DDX47: variants seen among roughly 807,000 people sequenced by gnomAD.
The protein encoded by DDX47 is DEAD-box helicase 47.
DDX47 carries 60 observed loss-of-function variants against 58.8 expected under a neutral mutation model. The observed-to-expected ratio is 1.02, with a 90% CI of 0.83 to 1.26. DDX47 has a LOEUF of 1.26. Ranked by LOEUF, DDX47 falls within the 50% of genes most tolerant of loss-of-function variation. The probability of loss-of-function intolerance (pLI) is 0.00; values close to 1 mark genes in which losing one functional copy is unlikely to be tolerated. For missense variants in DDX47, 530 were observed against 573.2 expected (o/e 0.92, Z 0.77); for synonymous variants, 197 against 204.6 (o/e 0.96, Z 0.32).
At position 12,827,832 on chromosome 12, in the gene DDX47, A is replaced by G. The variant is rs115878303; in HGVS notation, c.1236+457A>G. On this transcript the variant is annotated intron_variant, in intron 11 of 11. Transcript: ENST00000358007. ...AGTAGGGGTTGATCATACCTAATCC[A>G]AAAATTTGAAATCCAAAACCAAGAT... Among the ~76,000 whole-genome samples the G allele has an allele frequency of 6.6e-3, 1,005 of 152,040 alleles. 9 individuals carry two copies. The highest frequency in any genetic ancestry group is 0.023 in the African/African-American group (946 of 41,434).
At chr12:12,813,652 C>G in intron 1 of DDX47, 198 bp downstream of exon 1, 2 of 603,048 alleles carry the variant, frequency 3.3e-6, no homozygotes, top group South Asian at 2.0e-5. Flanking sequence ...CCCTGAGACC[C>G]CCTATTTGCC....
intron 2 of DDX47, among the ~76,000 whole-genome samples, chr12:12,819,212 C>A (rs1862936938): frequency 6.6e-6 from 1 of 152,070 alleles, no homozygotes; most frequent in Non-Finnish European, 1.5e-5. Context: ...GGTTCTTTTC[C>A]CTTTGCCTTA....
Position 12,823,898 on chromosome 12 carries a change from A to C in DDX47, c.779A>C (p.Glu260Ala), listed in dbSNP as rs745599661. 2 of 1,614,088 alleles carry C rather than the reference A, an allele frequency of 1.2e-6. No individual in the cohort carries two copies. The highest frequency in any genetic ancestry group is 3.3e-5 in the Admixed American group (2 of 60,008). The part of the protein sequence containing the change: ...KDTYLVYILN[E>A]LAGNSFMIFC... ...ACCTACCTGGTTTATATTCTAAATG[A>C]ATTGGCTGGAAACTCCTTTATGATA... Residue 260 changes from glutamate (E) to alanine (A), a missense_variant, in exon 8 of 12, where the codon GAA becomes GCA. By Grantham distance (107) the Glu-to-Ala change is moderately radical. Coordinates refer to ENST00000358007, the MANE Select transcript of DDX47 (RefSeq NM_016355.4).
In DDX47 at chr12:12,829,479, T is replaced by C. The variant is rs370405455; in HGVS notation, c.1293T>C (p.Asn431=). Reference sequence around the variant, plus strand: ...GCTCGCGAGAGGATGCTGGAGATAATGATGACACAGAGGGTGCTATTGGTG... The same window carrying C: ...GCTCGCGAGAGGATGCTGGAGATAACGATGACACAGAGGGTGCTATTGGTG... ...KKRSREDAGD[N]DDTEGAIGVR... is the part of the protein sequence containing the mutation. Residue 431 remains asparagine, a synonymous_variant, in exon 12 of 12, where the codon AAT becomes AAC. Coordinates refer to ENST00000358007, the MANE Select transcript of DDX47 (RefSeq NM_016355.4). The C allele has an allele frequency of 6.2e-7, 1 of 1,613,830 alleles. No homozygotes were observed. The highest frequency in any genetic ancestry group is 8.5e-7 in the Non-Finnish European group (1 of 1,179,932).
Position 12,827,178 on chromosome 12 carries a change from A to T in DDX47, c.1107-68A>T, listed in dbSNP as rs577878620. 4 of 1,562,352 alleles carry T rather than the reference A, an allele frequency of 2.6e-6. No homozygotes were observed. The African/African-American group carries it at 5.5e-5, about 21-fold the overall frequency. ...TTCCTATTGCGTTGTATCATATAAT[A>T]ATAGTTTGGGAATGGACAGGCATTT... On this transcript the variant is annotated intron_variant, in intron 10 of 11. Transcript: ENST00000358007.
In DDX47 at chr12:12,824,609, G is replaced by T. The variant is rs1863023409; in HGVS notation, c.967G>T (p.Ala323Ser). The T allele has an allele frequency of 5.0e-6, 8 of 1,614,164 alleles. No homozygotes were observed. The highest frequency in any genetic ancestry group is 6.8e-6 in the Non-Finnish European group (8 of 1,180,002). Reference protein sequence around the residue: ...ARSILLATDVASRGLDIPHVD... With the variant: ...ARSILLATDVSSRGLDIPHVD... ...TTCCATTCTTCTAGCAACTGACGTTGCCAGCCGAGGTTTGGACATACCTCA... is the reference window on the plus strand; with the variant it reads ...TTCCATTCTTCTAGCAACTGACGTTTCCAGCCGAGGTTTGGACATACCTCA... Residue 323 changes from alanine to serine, a missense_variant, in exon 9 of 12, where the codon GCC becomes TCC. Physicochemically the swap from Ala to Ser is moderately conservative, Grantham distance 99. Transcript: ENST00000358007.
intron 2 of DDX47, among the ~76,000 whole-genome samples, chr12:12,816,203 C>T (rs1452594252): frequency 6.6e-6 from 1 of 151,972 alleles, no homozygotes; most frequent in African/African-American, 2.4e-5. Flanking sequence ...TAGAGTTGAC[C>T]TTGTGGGAGG....
intron 2 of DDX47, 95 bp from the exon 3 acceptor site, chr12:12,821,113 T>C: frequency 8.0e-7 from 1 of 1,252,910 alleles, no homozygotes; most frequent in South Asian, 1.3e-5. Context: ...AGATATTTAT[T>C]AAGCGTCTAC....
intron 9 of DDX47, 111 bp from the exon 10 acceptor site, chr12:12,825,889 A>T: frequency 3.9e-6 from 3 of 778,744 alleles, no homozygotes; most frequent in South Asian, 2.1e-5. Context: ...TCTCCATGTT[A>T]CGAAATGAAT....
rs915526866 is a variant in DDX47, at chr12:12,819,364, T to A, written c.182-1844T>A. On this transcript the variant is annotated intron_variant, in intron 2 of 11. Coordinates refer to ENST00000358007, the MANE Select transcript of DDX47 (RefSeq NM_016355.4). ...ATCTATGGAGCTTTTTTTTTTTTTTTAAATAGAGATTTCTAGGTCCCAGCC... is the reference window on the plus strand; with the variant it reads ...ATCTATGGAGCTTTTTTTTTTTTTTAAAATAGAGATTTCTAGGTCCCAGCC... Among the ~76,000 whole-genome samples, 14 of 151,214 alleles carry A rather than the reference T, an allele frequency of 9.3e-5. No individual in the cohort carries two copies. In the South Asian group the frequency reaches 1.9e-3, roughly 20 times the overall value.
Position 12,827,274 on chromosome 12 carries a change from G to GAACA in DDX47, c.1136_1139dup (p.His380GlnfsTer16). 1 of 1,614,162 alleles carries GAACA rather than the reference G, an allele frequency of 6.2e-7. No homozygotes were observed. Among genetic ancestry groups the GAACA allele is most frequent in the Non-Finnish European group, 8.5e-7 (1 of 1,180,032 alleles). The stretch of plus-strand genomic sequence containing the variant: ...TGATGTGGAACTCTTCCAGCGCATA[G>GAACA]AACACTTAATTGGGAAGAAACTACC... On this transcript the variant is annotated frameshift_variant, in exon 11 of 12. Coordinates refer to ENST00000358007, the MANE Select transcript of DDX47 (RefSeq NM_016355.4). LOFTEE classifies it high-confidence loss of function.
intron 2 of DDX47, among the ~76,000 whole-genome samples, chr12:12,817,154 A>G (rs1417324929): frequency 6.6e-6 from 1 of 152,180 alleles, no homozygotes; most frequent in East Asian, 1.9e-4. Context: ...TAACTTCTAA[A>G]TTTGAATTTG....
At chr12:12,827,445 A>G (rs1863069383) in intron 11 of DDX47, 70 bp downstream of exon 11, 3 of 1,524,816 alleles carry the variant, frequency 2.0e-6, no homozygotes, top group Non-Finnish European at 2.7e-6. Flanking sequence ...TATTATATTA[A>G]CCCTCATACT....
intron 1 of DDX47, 79 bp from the exon 2 acceptor site, chr12:12,814,052 T>G: frequency 2.3e-6 from 2 of 865,068 alleles, no homozygotes; most frequent in Non-Finnish European, 4.0e-6. Context: ...TTGTACATGA[T>G]GGGTCTGACA....
intron 8 of DDX47, 77 bp from the exon 9 acceptor site, chr12:12,824,463 C>T: frequency 6.7e-7 from 1 of 1,501,902 alleles, no homozygotes; most frequent in Non-Finnish European, 9.0e-7. Context: ...TCTGTTTGTT[C>T]TCGTGTTTGT....
chr12:12,823,344 C>A, intron 7 of DDX47, 25 bp downstream of exon 7: 1 of 1,287,176 alleles, frequency 7.8e-7, no homozygotes, highest in Non-Finnish European at 1.1e-6. Flanking sequence ...TTGATCATTC[C>A]TGCCTCTCCC....
intron 9 of DDX47, among the ~76,000 whole-genome samples, 173 bp from the exon 10 acceptor site, chr12:12,825,827 A>G (rs1165913883): frequency 6.6e-6 from 1 of 152,266 alleles, no homozygotes; most frequent in Admixed American, 6.5e-5. Flanking sequence ...TGCAAGGAGA[A>G]CAAAAAAGAT....
At chr12:12,826,173 T>C in intron 10 of DDX47, 103 bp downstream of exon 10, 5 of 881,260 alleles carry the variant, frequency 5.7e-6, no homozygotes, top group Non-Finnish European at 3.4e-6. Context: ...CTAATCACTT[T>C]CATACTGAAA....
At position 12,821,073 on chromosome 12, in the gene DDX47, T is replaced by G. The variant is rs896455924; in HGVS notation, c.182-135T>G. The G allele has an allele frequency of 9.2e-6, 8 of 869,180 alleles. No homozygotes were observed. In the African/African-American group the frequency reaches 1.4e-4, roughly 15 times the overall value. 53.8% of individuals were successfully genotyped at this position (869,180 alleles called of 1,614,324 possible). On this transcript the variant is annotated intron_variant, in intron 2 of 11. Coordinates refer to ENST00000358007, the MANE Select transcript of DDX47 (RefSeq NM_016355.4). ...AGAGAGAGGCCATGTCTTTTCTGTT[T>G]ATTCAACTTTCCTCTCTCCCCAGTT...
Sources: allele counts gnomAD v4.1 joint callset (sites outside exome capture counted in the v4.1 genomes callset), GRCh38; gene constraint gnomAD v4.1.1; transcripts MANE v1.5; gene names NCBI Gene and HGNC (gene_info 2026-07-23, HGNC 2026-07-21).